Variants in ZNF280D observed in about 807,000 individuals in gnomAD.
The protein encoded by ZNF280D is suppressor of hairy wing homolog 4.
ZNF280D carries 39 observed loss-of-function variants against 94.7 expected under a neutral mutation model. The ratio of observed to expected loss-of-function variants is 0.41; its 90% confidence interval spans 0.32 to 0.54. The LOEUF (loss-of-function observed/expected upper bound fraction) is 0.54, where lower values mean the gene tolerates loss of function less well. ZNF280D is among the 20% of genes least tolerant of loss of function. ZNF280D has a pLI of 0.22. For missense variants in ZNF280D, 1,090 were observed against 1,149.3 expected (o/e 0.95, Z 0.75); for synonymous variants, 398 against 377.6 (o/e 1.05, Z -0.63).
Position 56,682,432 on chromosome 15 carries a change from T to C in ZNF280D, c.826A>G (p.Thr276Ala). 17 of 1,578,606 alleles carry C rather than the reference T, an allele frequency of 1.1e-5. No homozygotes were observed. The highest frequency in any genetic ancestry group is 1.5e-5 in the Non-Finnish European group (17 of 1,170,314). The change falls in exon 10 of 22, where the codon ACA becomes GCA. Residue 276 changes from threonine (T) to alanine (A), a missense_variant. Around this residue, in one of 3 missense-constraint regions of ZNF280D, gnomAD observed 386 missense variants for 372.0 expected, o/e 1.04. Coordinates refer to ENST00000267807, the MANE Select transcript of ZNF280D (RefSeq NM_017661.4). Reference sequence around the variant, plus strand: ...TTATTTACTGTACTTGAAAATTCTGTTTTAGCCAGTCCCAAAAAGTTATTT... The same window carrying C: ...TTATTTACTGTACTTGAAAATTCTGCTTTAGCCAGTCCCAAAAAGTTATTT... ...MINNFLGLAKTEFSSTVNKNT... is the reference protein window; with the variant it reads ...MINNFLGLAKAEFSSTVNKNT...
At chr15:56,665,748 G>A (rs1453817414) in intron 16 of ZNF280D, among the ~76,000 whole-genome samples, 2 of 137,852 alleles carry the variant, frequency 1.5e-5, no homozygotes, top group African/African-American at 5.2e-5. Context: ...GAGATTACAA[G>A]TATTTATTTA....
In ZNF280D at chr15:56,689,064, C is replaced by T; in HGVS notation, c.757G>A (p.Asp253Asn). The T allele has an allele frequency of 6.2e-7, 1 of 1,604,674 alleles. No individual in the cohort carries two copies. Among genetic ancestry groups the T allele is most frequent in the Non-Finnish European group, 8.5e-7 (1 of 1,176,518 alleles). ...ACCTTCATGTGATTTTTCAAAGGATCCAAAAGATTGAAATGAATGTTGCAC... is the reference window on the plus strand; with the variant it reads ...ACCTTCATGTGATTTTTCAAAGGATTCAAAAGATTGAAATGAATGTTGCAC... The part of the protein sequence containing the change: ...PKCNIHFNLL[D>N]PLKNHMKYCC... The change falls in exon 9 of 22, where the codon GAT becomes AAT. Residue 253 changes from aspartate to asparagine, a missense_variant. Asp to Asn is a conservative substitution (Grantham distance 23, BLOSUM62 1). Coordinates refer to ENST00000267807, the MANE Select transcript of ZNF280D (RefSeq NM_017661.4).
chr15:56,641,270 A>T lies in ZNF280D; in HGVS notation c.2259+1682T>A, dbSNP rs113011411. Among the ~76,000 whole-genome samples the T allele has an allele frequency of 1.2e-3, 183 of 152,086 alleles. 5 individuals carry two copies. Among genetic ancestry groups the T allele is most frequent in the African/African-American group, 4.3e-3 (178 of 41,570 alleles). ...TAAGCAAAGGGATAGGCCTTTTATTAAGTGTGTAGCTTTATATTAGTCATG... is the reference window on the plus strand; with the variant it reads ...TAAGCAAAGGGATAGGCCTTTTATTTAGTGTGTAGCTTTATATTAGTCATG... On this transcript the variant is annotated intron_variant, in intron 20 of 21. Transcript: ENST00000267807.
At chr15:56,669,006 C>A (rs1327496503) in intron 13 of ZNF280D, 49 bp from the exon 14 acceptor site, 2 of 1,558,344 alleles carry the variant, frequency 1.3e-6, no homozygotes, top group Middle Eastern at 1.7e-4. Context: ...TCAAAAACTA[C>A]AAATCCTGTG....
intron 20 of ZNF280D, among the ~76,000 whole-genome samples, chr15:56,637,522 C>T (rs2052412224): frequency 6.6e-6 from 1 of 152,068 alleles, no homozygotes; most frequent in Admixed American, 6.5e-5. Flanking sequence ...AACAAAGAAT[C>T]AGTCAGTTCA....
intron 10 of ZNF280D, among the ~76,000 whole-genome samples, chr15:56,680,295 A>G (rs187159600): frequency 1.3e-5 from 2 of 152,292 alleles, no homozygotes; most frequent in East Asian, 1.9e-4. Flanking sequence ...ATTATATAAT[A>G]CATTTAACTT....
chr15:56,661,317 A>T (rs1442829206), intron 16 of ZNF280D, among the ~76,000 whole-genome samples: 5 of 152,190 alleles, frequency 3.3e-5, no homozygotes, highest in African/African-American at 1.2e-4. Flanking sequence ...TTTCCAGAAA[A>T]TCTGAAGTTC....
At chr15:56,672,356 CA>C (rs1340513355) in intron 13 of ZNF280D, among the ~76,000 whole-genome samples, 1 of 152,046 alleles carries the variant, frequency 6.6e-6, no homozygotes, top group Non-Finnish European at 1.5e-5. Context: ...TATGTTCCCT[CA>C]GTACCTAGTT....
At chr15:56,668,760 G>A in intron 14 of ZNF280D, 63 bp downstream of exon 14, 19 of 1,404,320 alleles carry the variant, frequency 1.4e-5, no homozygotes, top group Non-Finnish European at 1.8e-5. Flanking sequence ...AATATATAAA[G>A]CCGGGCAGGA....
At chr15:56,704,985 A>T (rs762398676) in intron 3 of ZNF280D, among the ~76,000 whole-genome samples, 4 of 131,406 alleles carry the variant, frequency 3.0e-5, no homozygotes, top group Non-Finnish European at 7.0e-5. Flanking sequence ...GTATGTCTTT[A>T]AAAAAAAAAA....
At chr15:56,724,401 G>C (rs74924869) in intron 1 of ZNF280D, among the ~76,000 whole-genome samples, 1,764 of 152,312 alleles carry the variant, frequency 0.012, 19 homozygotes, top group Middle Eastern at 0.044. Flanking sequence ...GTGAGGTGCA[G>C]AACAGGTCAA....
At chr15:56,731,112 G>A (rs1429180701) in intron 1 of ZNF280D, among the ~76,000 whole-genome samples, 2 of 152,112 alleles carry the variant, frequency 1.3e-5, no homozygotes. Context: ...AGAAAACAGA[G>A]AGGATAGGGG....
intron 1 of ZNF280D, among the ~76,000 whole-genome samples, chr15:56,721,769 T>C (rs1238952360): frequency 6.6e-6 from 1 of 152,012 alleles, no homozygotes; most frequent in Non-Finnish European, 1.5e-5. Context: ...AGCCAGACCA[T>C]TACAACTTCC....
intron 13 of ZNF280D, among the ~76,000 whole-genome samples, chr15:56,674,309 T>C (rs1325895936): frequency 1.3e-5 from 2 of 152,106 alleles, no homozygotes; most frequent in Non-Finnish European, 2.9e-5. Context: ...CTTTTATGTA[T>C]GCATGCATCT....
chr15:56,645,343 T>C (rs1335042744), intron 19 of ZNF280D: 1 of 152,180 alleles, frequency 6.6e-6, no homozygotes, highest in African/African-American at 2.4e-5. Flanking sequence ...ATTTAAAATT[T>C]CAATGCAAAG....
intron 16 of ZNF280D, among the ~76,000 whole-genome samples, chr15:56,662,876 C>T (rs1786500483): frequency 6.9e-6 from 1 of 144,428 alleles, no homozygotes; most frequent in Admixed American, 7.0e-5. Flanking sequence ...GTACACAATT[C>T]AAAGAAAGTA....
At chr15:56,659,555 T>C (rs1201060539) in intron 16 of ZNF280D, among the ~76,000 whole-genome samples, 2 of 152,092 alleles carry the variant, frequency 1.3e-5, no homozygotes, top group Non-Finnish European at 2.9e-5. Flanking sequence ...AATAAACCTT[T>C]ATTATACATA....
intron 4 of ZNF280D, among the ~76,000 whole-genome samples, chr15:56,702,131 C>T (rs2057117702): frequency 6.6e-6 from 1 of 151,300 alleles, no homozygotes; most frequent in African/African-American, 2.4e-5. Context: ...AATAATGGTT[C>T]ACACAGAAAT....
At chr15:56,730,578 T>G (rs1164183474) in intron 1 of ZNF280D, 1 of 152,206 alleles carries the variant, frequency 6.6e-6, no homozygotes, top group Non-Finnish European at 1.5e-5. Flanking sequence ...ACTTCAGAAC[T>G]TTTCTATTTA....
Sources: allele counts gnomAD v4.1 joint callset (sites outside exome capture counted in the v4.1 genomes callset), GRCh38; gene constraint gnomAD v4.1.1; regional missense constraint gnomAD v4.1.1; transcripts MANE v1.5; gene names NCBI Gene and HGNC (gene_info 2026-07-23, HGNC 2026-07-21).